Variants in KMT2D observed in about 807,000 individuals in gnomAD.
KMT2D encodes the protein histone-lysine N-methyltransferase 2D.
KMT2D carries 55 observed loss-of-function variants against 512.7 expected under a neutral mutation model. The ratio of observed to expected loss-of-function variants is 0.11; its 90% confidence interval spans 0.09 to 0.13. KMT2D has a LOEUF of 0.13. Among genes scored for constraint, KMT2D ranks in the 10% least tolerant of loss-of-function variants. KMT2D has a pLI of 1.00. For missense variants in KMT2D, 6,061 were observed against 7,127.9 expected (o/e 0.85, Z 5.39); for synonymous variants, 2,995 against 2,904.0 (o/e 1.03, Z -1.01).
intron 54 of KMT2D, 50 bp from the exon 55 acceptor site, chr12:49,021,922 G>C: frequency 6.3e-7 from 1 of 1,575,848 alleles, no homozygotes; most frequent in Non-Finnish European, 8.7e-7. Flanking sequence ...CAGGAAGAGG[G>C]GAGGCCAGAG....
intron 38 of KMT2D, 31 bp from the exon 39 acceptor site, chr12:49,034,330 C>CA: frequency 6.2e-7 from 1 of 1,610,608 alleles, no homozygotes; most frequent in Non-Finnish European, 8.5e-7. Flanking sequence ...TCAGGACCTG[C>CA]AAAAGGGTAA....
At chr12:49,035,146 A>G (rs933032465) in intron 35 of KMT2D, among the ~76,000 whole-genome samples, 6 of 152,212 alleles carry the variant, frequency 3.9e-5, no homozygotes, top group African/African-American at 1.4e-4. Context: ...CCGTGCTACA[A>G]AAAGGGGCTC....
chr12:49,052,103 G>T lies in KMT2D; in HGVS notation c.1580C>A (p.Pro527His), dbSNP rs2120681170. 1 of 1,612,344 alleles carries T rather than the reference G, an allele frequency of 6.2e-7. No homozygotes were observed. The highest frequency in any genetic ancestry group is 8.5e-7 in the Non-Finnish European group (1 of 1,179,454). The change falls in exon 11 of 55, where the codon CCC becomes CAC. Residue 527 changes from proline to histidine, a missense_variant. Pro to His is a moderately conservative substitution (Grantham distance 77, BLOSUM62 -2). Transcript: ENST00000301067. Reference sequence around the variant, plus strand: ...AGGCGTCTCAAGTGCAGGAGATGGGGGTGACTCTTCCGGTGGAGACAAGGG... The same window carrying T: ...AGGCGTCTCAAGTGCAGGAGATGGGTGTGACTCTTCCGGTGGAGACAAGGG... ...ESPLSPPEESPPSPALETPLS... is the reference protein window; with the variant it reads ...ESPLSPPEESHPSPALETPLS...
chr12:49,026,870 G>A lies in KMT2D; in HGVS notation c.15096C>T (p.Cys5032=), dbSNP rs1942620659. The change falls in exon 49 of 55, where the codon TGC becomes TGT. Residue 5032 remains cysteine, a synonymous_variant. Transcript: ENST00000301067. The surrounding 1 kb of genome is among the most constrained non-coding windows in gnomAD (Gnocchi z 9.6). The part of the protein sequence containing the change: ...PDKVPRDMRR[C]CFCHEEGDGA... Reference sequence around the variant, plus strand: ...CGTCACCCTCCTCATGACAGAAACAGCAGCGACGCATGTCTCGCGGTACCT... The same window carrying A: ...CGTCACCCTCCTCATGACAGAAACAACAGCGACGCATGTCTCGCGGTACCT... The A allele has an allele frequency of 6.2e-7, 1 of 1,613,992 alleles. No homozygotes were observed. Among genetic ancestry groups the A allele is most frequent in the South Asian group, 1.1e-5 (1 of 91,082 alleles).
intron 49 of KMT2D, among the ~76,000 whole-genome samples, chr12:49,025,279 C>T (rs1942517386): frequency 1.3e-5 from 2 of 152,186 alleles, no homozygotes; most frequent in Non-Finnish European, 2.9e-5. Flanking sequence ...GGTCATGAGA[C>T]CTTGAGCCAA....
Position 49,033,482 on chromosome 12 carries a change from T to TTGCTGC in KMT2D, c.11217_11222dup (p.Gln3744_Gln3745dup), listed in dbSNP as rs398123707. On this transcript the variant is annotated inframe_insertion, in exon 40 of 55. Coordinates refer to ENST00000301067, the MANE Select transcript of KMT2D (RefSeq NM_003482.4). ...GTCCTAGAAGGTGCTGCTGCTGCTG[T>TTGCTGC]TGCTGCTGCTGCTGCTGCTGCAGTT... 11 of 1,611,218 alleles carry TTGCTGC rather than the reference T, an allele frequency of 6.8e-6. No individual in the cohort carries two copies. In the South Asian group the frequency reaches 9.9e-5, roughly 15 times the overall value.
Position 49,029,098 on chromosome 12 carries a change from G to C in KMT2D, c.14214C>G (p.Ser4738=), listed in dbSNP as rs764931980. Residue 4738 remains serine, a synonymous_variant, in exon 45 of 55, where the codon TCC becomes TCG. Coordinates refer to ENST00000301067, the MANE Select transcript of KMT2D (RefSeq NM_003482.4). ...CCCGAGGAATGAGGGGGATGACAGG[G>C]GAGAGGGCCCGGTCCTCTTGCTCCC... The part of the protein sequence containing the change: ...GRWEQEDRAL[S]PVIPLIPRAS... 1 of 1,608,800 alleles carries C rather than the reference G, an allele frequency of 6.2e-7. No individual in the cohort carries two copies. The highest frequency in any genetic ancestry group is 1.1e-5 in the South Asian group (1 of 90,908).
rs1481521421 is a variant in KMT2D, at chr12:49,033,919, G to A, written c.10786C>T (p.Arg3596Trp). 7 of 1,538,468 alleles carry A rather than the reference G, an allele frequency of 4.5e-6. No individual in the cohort carries two copies. Among genetic ancestry groups the A allele is most frequent in the Admixed American group, 2.0e-5 (1 of 49,638 alleles). Residue 3596 changes from arginine (R) to tryptophan (W), a missense_variant, in exon 40 of 55, where the codon CGG becomes TGG. This residue lies in a region of KMT2D where 50 missense variants were observed against 119.9 expected (regional missense o/e 0.42). Coordinates refer to ENST00000301067, the MANE Select transcript of KMT2D (RefSeq NM_003482.4). ...TGCTGTTGTTGCTGCTGCTTGTTCC[G>A]ATATTCTGCCATGAGATTAGTGTGC... ...KEHTNLMAEY[R>W]NKQQQQQQQQ...
Position 49,051,615 on chromosome 12 carries a change from A to T in KMT2D, c.2068T>A (p.Ser690Thr). The change falls in exon 11 of 55, where the codon TCC becomes ACC. Residue 690 changes from serine (S) to threonine (T), a missense_variant. Physicochemically the swap from Ser to Thr is moderately conservative, Grantham distance 58 (BLOSUM62 1). This residue lies in a region of KMT2D where 848 missense variants were observed against 838.5 expected (regional missense o/e 1.01). Transcript: ENST00000301067. ...TSPPPEASRL[S>T]PPPEDSPTSP... ...GTGGGGGAGTCCTCAGGTGGTGGGG[A>T]GAGGCGTGAAGCCTCAGGTGGAGGG... 1.3e-6 allele frequency: 2 copies of T among 1,578,712 alleles called. No individual in the cohort carries two copies. The highest frequency in any genetic ancestry group is 8.6e-7 in the Non-Finnish European group (1 of 1,159,776).
At position 49,052,297 on chromosome 12, in the gene KMT2D, A is replaced by T. The variant is rs1419747483; in HGVS notation, c.1386T>A (p.Pro462=). The T allele has an allele frequency of 6.3e-7, 1 of 1,595,170 alleles. No homozygotes were observed. Among genetic ancestry groups the T allele is most frequent in the East Asian group, 2.2e-5 (1 of 44,606 alleles). ...GTGGTGGTGACAGGCGTGATGCCTC[A>T]GGTGGTGGGGACGTGGGTGATTCCT... The part of the protein sequence containing the change: ...PPEESPTSPP[P]EASRLSPPPE... Residue 462 remains proline, a synonymous_variant, in exon 11 of 55, where the codon CCT becomes CCA. Coordinates refer to ENST00000301067, the MANE Select transcript of KMT2D (RefSeq NM_003482.4).
At position 49,038,097 on chromosome 12, in the gene KMT2D, G is replaced by A. The variant is rs538335897; in HGVS notation, c.9259C>T (p.Arg3087Trp). ...NEKAEREALLRGVEPGPLGPE... is the reference protein window; with the variant it reads ...NEKAEREALLWGVEPGPLGPE... Reference sequence around the variant, plus strand: ...CCCAAGGGTCCTGGCTCCACCCCCCGCAGCAGGGCCTCCCGTTCAGCCTTC... The same window carrying A: ...CCCAAGGGTCCTGGCTCCACCCCCCACAGCAGGGCCTCCCGTTCAGCCTTC... Residue 3087 changes from arginine (R) to tryptophan (W), a missense_variant, in exon 35 of 55, where the codon CGG becomes TGG. Coordinates refer to ENST00000301067, the MANE Select transcript of KMT2D (RefSeq NM_003482.4). This position sits in a 1 kb window ranked among gnomAD's most constrained non-coding sequence, Gnocchi z 5.7. 47 of 1,613,672 alleles carry A rather than the reference G, an allele frequency of 2.9e-5. No individual in the cohort carries two copies. Among genetic ancestry groups the A allele is most frequent in the South Asian group, 5.5e-5 (5 of 91,076 alleles).
rs2120655653 is a variant in KMT2D, at chr12:49,050,708, G to C, written c.2880C>G (p.Pro960=). ...ALSPLGELEY[P]FGAKGDSDPE... The stretch of plus-strand genomic sequence containing the variant: ...GGTCACTGTCCCCTTTGGCACCAAA[G>C]GGGTACTCTAACTCCCCCAAAGGAG... Residue 960 remains proline, a synonymous_variant, in exon 12 of 55, where the codon CCC becomes CCG. Transcript: ENST00000301067. 6.2e-7 allele frequency: 1 copy of C among 1,613,584 alleles called. No homozygotes were observed. The highest frequency in any genetic ancestry group is 8.5e-7 in the Non-Finnish European group (1 of 1,179,750).
rs774419225 is a variant in KMT2D, at chr12:49,032,751, A to C, written c.11954T>G (p.Leu3985Arg). 7.6e-6 allele frequency: 12 copies of C among 1,584,536 alleles called. No homozygotes were observed. Among genetic ancestry groups the C allele is most frequent in the Non-Finnish European group, 1.0e-5 (12 of 1,164,666 alleles). The change falls in exon 40 of 55, where the codon CTG (leucine) becomes CGG (arginine). Residue 3985 changes from leucine to arginine, a missense_variant. Leu to Arg is a moderately radical substitution (Grantham distance 102). Transcript: ENST00000301067. ...MGLLNQSRTL[L>R]SPQQQQQQQV... ...CTGCTGCTGTTGTTGCTGAGGAGAC[A>C]GTAAAGTTCGACTCTGGTTTAAAAG...
rs994529410 is a variant in KMT2D at position 49,042,335 on chromosome 12, G to T, written c.5868-5C>A. 1 of 1,520,674 alleles carries T rather than the reference G, an allele frequency of 6.6e-7. No individual in the cohort carries two copies. The highest frequency in any genetic ancestry group is 2.1e-5 in the Admixed American group (1 of 46,806). The allele number at this position is 1,520,674 out of a possible 1,614,324, so 94.2% of individuals were successfully genotyped here. On this transcript the variant is annotated splice_polypyrimidine_tract_variant and splice_region_variant and intron_variant, in intron 28 of 54. Coordinates refer to ENST00000301067, the MANE Select transcript of KMT2D (RefSeq NM_003482.4). The surrounding 1 kb of genome is among the most constrained non-coding windows in gnomAD (Gnocchi z 4.4). Reference sequence around the variant, plus strand: ...CTAAAGAAGCCCCCGCGCTCCCTGGGGCGCAGGGGCAGAGAGTCACAGGGC... The same window carrying T: ...CTAAAGAAGCCCCCGCGCTCCCTGGTGCGCAGGGGCAGAGAGTCACAGGGC...
chr12:49,047,566 C>T (rs1565808965), intron 15 of KMT2D, among the ~76,000 whole-genome samples: 1 of 146,080 alleles, frequency 6.8e-6, no homozygotes, highest in African/African-American at 2.6e-5. Flanking sequence ...TACAGGCACG[C>T]GCTACCACAC....
rs898873941 is a variant in KMT2D at position 49,038,360 on chromosome 12, G to T, written c.8996C>A (p.Ala2999Asp). 6.2e-7 allele frequency: 1 copy of T among 1,613,728 alleles called. No individual in the cohort carries two copies. The highest frequency in any genetic ancestry group is 8.5e-7 in the Non-Finnish European group (1 of 1,179,882). ...EDPELDDDFD[A>D]HKALEDDEEL... ...TTCATCATCCTCTAGGGCCTTGTGG[G>T]CATCAAAATCGTCATCCAGCTCGGG... is the stretch of plus-strand genomic sequence containing the variant. The change falls in exon 35 of 55, where the codon GCC becomes GAC. Residue 2999 changes from alanine (A) to aspartate (D), a missense_variant. By Grantham distance (126) the Ala-to-Asp change is moderately radical. Coordinates refer to ENST00000301067, the MANE Select transcript of KMT2D (RefSeq NM_003482.4). This position sits in a 1 kb window ranked among gnomAD's most constrained non-coding sequence, Gnocchi z 5.7.
rs199605791 is a variant in KMT2D, at chr12:49,051,151, G to A, written c.2532C>T (p.Pro844=). The A allele has an allele frequency of 6.6e-7, 1 of 1,516,930 alleles. No individual in the cohort carries two copies. The highest frequency in any genetic ancestry group is 8.8e-7 in the Non-Finnish European group (1 of 1,131,224). The allele number at this position is 1,516,930 out of a possible 1,614,324, so 94.0% of individuals were successfully genotyped here. A position where few individuals can be genotyped will look rare whatever the true frequency, so the allele number is the denominator to read the frequency against. The part of the protein sequence containing the change: ...SPQSEEPCLS[P]RPEESHLSPE... The stretch of plus-strand genomic sequence containing the variant: ...GGGACAGATGCGATTCCTCAGGCCG[G>A]GGGGACAGGCATGGCTCCTCAGACT... The change falls in exon 11 of 55, where the codon CCC becomes CCT. Residue 844 remains proline (P), a synonymous_variant. Coordinates refer to ENST00000301067, the MANE Select transcript of KMT2D (RefSeq NM_003482.4).
chr12:49,031,189 G>T lies in KMT2D; in HGVS notation c.13516C>A (p.Pro4506Thr). ...AGLEQKLQGT[P>T]SNKEDAAARK... ...AGAGTACTCACCTCCTTGTTGCTGG[G>T]GGTACCCTGTAGTTTCTGCTCCAGC... Residue 4506 changes from proline to threonine, a missense_variant, in exon 40 of 55, where the codon CCC becomes ACC. Transcript: ENST00000301067. 6.2e-7 allele frequency: 1 copy of T among 1,608,956 alleles called. No homozygotes were observed. Among genetic ancestry groups the T allele is most frequent in the Non-Finnish European group, 8.5e-7 (1 of 1,176,826 alleles).
chr12:49,041,410 A>C lies in KMT2D; in HGVS notation c.6360T>G (p.Ala2120=), dbSNP rs1943522226. 2.5e-6 allele frequency: 4 copies of C among 1,607,486 alleles called. No homozygotes were observed. In the African/African-American group the frequency reaches 4.0e-5, roughly 16 times the overall value. The part of the protein sequence containing the change: ...PGALGSPPPA[A]APTIFIGSPT... The stretch of plus-strand genomic sequence containing the variant: ...GGCTGCCAATGAAAATGGTGGGGGC[A>C]GCAGCGGGGGGCGGGCTGCCCAGTG... The change falls in exon 32 of 55, where the codon GCT becomes GCG. Residue 2120 remains alanine (A), a synonymous_variant. Coordinates refer to ENST00000301067, the MANE Select transcript of KMT2D (RefSeq NM_003482.4). This position sits in a 1 kb window ranked among gnomAD's most constrained non-coding sequence, Gnocchi z 5.4.
Sources: gnomAD v4.1 joint callset for allele counts (sites outside exome capture counted in the v4.1 genomes callset) on GRCh38, gnomAD v4.1.1 for gene constraint, gnomAD v4.1.1 regional missense constraint, Gnocchi (gnomAD v3.1) non-coding constraint, MANE v1.5 for transcripts, NCBI Gene and HGNC (gene_info 2026-07-23, HGNC 2026-07-21) for gene names.